PDE1A: variants seen among roughly 807,000 people sequenced by gnomAD.
The protein encoded by PDE1A is dual specificity calcium/calmodulin-dependent 3',5'-cyclic nucleotide phosphodiesterase 1A.
Under a neutral mutation model 61.7 loss-of-function variants are expected in PDE1A, and 35 were observed. The observed-to-expected ratio is 0.57, with a 90% CI of 0.43 to 0.75. The LOEUF (loss-of-function observed/expected upper bound fraction) is 0.75, where lower values mean the gene tolerates loss of function less well. Ranked by LOEUF, PDE1A falls within the 30% of genes least tolerant of loss-of-function variation. The probability of loss-of-function intolerance (pLI) is 0.00; values close to 1 mark genes in which losing one functional copy is unlikely to be tolerated. For synonymous variants in PDE1A, 232 were observed against 213.2 expected (o/e 1.09, Z -0.77); for missense variants, 597 against 630.6 (o/e 0.95, Z 0.57).
chr2:182,687,453 C>A, the PDE1A span, among the ~76,000 whole-genome samples: 1 of 152,218 alleles, frequency 6.6e-6, no homozygotes, highest in Non-Finnish European at 1.5e-5. Flanking sequence ...CAAACTCCAA[C>A]AGACCTGCAG....
chr2:182,455,946 T>G (rs2125740450), intron 2 of PDE1A, among the ~76,000 whole-genome samples: 1 of 151,972 alleles, frequency 6.6e-6, no homozygotes, highest in Middle Eastern at 3.4e-3. Context: ...ACAGAAGAAT[T>G]TGCTAACAAA....
At chr2:182,500,688 A>C (rs980358590) in intron 2 of PDE1A, among the ~76,000 whole-genome samples, 2 of 152,214 alleles carry the variant, frequency 1.3e-5, no homozygotes, top group African/African-American at 4.8e-5. Flanking sequence ...ACATATAATT[A>C]TCCCCAAATT....
intron 1 of PDE1A, among the ~76,000 whole-genome samples, chr2:182,316,245 A>T (rs979419237): frequency 6.6e-6 from 1 of 152,222 alleles, no homozygotes; most frequent in Non-Finnish European, 1.5e-5. Flanking sequence ...ATGTGGTCAA[A>T]CTTTGAAAGA....
rs562331026 is a variant in PDE1A at position 182,522,203 on chromosome 2, G to A, written c.101+73C>T. 9.3e-5 allele frequency: 119 copies of A among 1,279,274 alleles called. 2 individuals carry two copies. In the South Asian group the frequency reaches 1.0e-3, roughly 11 times the overall value. The allele number at this position is 1,279,274 out of a possible 1,614,324, so 79.2% of individuals were successfully genotyped here. ...TAAAGGAAACTAGCCCACAAAGGCGGATAGCACCAACAATTAGTCACGTTA... is the reference window on the plus strand; with the variant it reads ...TAAAGGAAACTAGCCCACAAAGGCGAATAGCACCAACAATTAGTCACGTTA... On this transcript the variant is annotated intron_variant, in intron 2 of 14. Transcript: ENST00000410103.
chr2:182,483,250 T>C (rs190770367), intron 2 of PDE1A, among the ~76,000 whole-genome samples: 2 of 152,018 alleles, frequency 1.3e-5, no homozygotes, highest in Admixed American at 1.3e-4. Context: ...TTTAATACTG[T>C]ATTCTCAATA....
intron 1 of PDE1A, among the ~76,000 whole-genome samples, chr2:182,410,085 C>G (rs1424243194): frequency 6.6e-6 from 1 of 152,128 alleles, no homozygotes; most frequent in Non-Finnish European, 1.5e-5. Flanking sequence ...GACATGGTGG[C>G]TTATGCTTGT....
At chr2:182,493,299 A>G (rs1161476845) in intron 2 of PDE1A, among the ~76,000 whole-genome samples, 1 of 147,064 alleles carries the variant, frequency 6.8e-6, no homozygotes, top group Non-Finnish European at 1.5e-5. Flanking sequence ...TTATATATAT[A>G]TACTTTAAGT....
intron 1 of PDE1A, among the ~76,000 whole-genome samples, chr2:182,362,382 C>T (rs967024121): frequency 6.6e-6 from 1 of 151,738 alleles, no homozygotes; most frequent in Non-Finnish European, 1.5e-5. Context: ...AAATAATGTA[C>T]GGTAGCCATC....
intron 7 of PDE1A, among the ~76,000 whole-genome samples, chr2:182,214,450 A>G (rs1052450274): frequency 5.3e-5 from 8 of 151,850 alleles, no homozygotes; most frequent in African/African-American, 1.2e-4. Flanking sequence ...AAATGCTCCA[A>G]TGAAAAGACA....
intron 1 of PDE1A, among the ~76,000 whole-genome samples, chr2:182,380,714 T>G (rs1700684886): frequency 6.6e-6 from 1 of 152,180 alleles, no homozygotes; most frequent in South Asian, 2.1e-4. Context: ...TTCTTCAACT[T>G]TAGGATAGTT....
intron 10 of PDE1A, among the ~76,000 whole-genome samples, chr2:182,197,079 G>A (rs1285613930): frequency 6.6e-6 from 1 of 151,444 alleles, no homozygotes; most frequent in Admixed American, 6.6e-5. Context: ...CTCATTTTTG[G>A]TAACACCTTA....
At chr2:182,638,548 A>G in the PDE1A span, among the ~76,000 whole-genome samples, 1 of 152,188 alleles carries the variant, frequency 6.6e-6, no homozygotes, top group African/African-American at 2.4e-5. Flanking sequence ...AAAAAATGAA[A>G]AAAACAATTT....
chr2:182,203,722 C>G (rs17457323), intron 8 of PDE1A, among the ~76,000 whole-genome samples: 39,502 of 151,788 alleles, frequency 0.26, 5,937 homozygotes, highest in Non-Finnish European at 0.33. Context: ...ATAAAATTTT[C>G]TTGTGAAAAC....
At chr2:182,527,518 A>G (rs1449517709), upstream of PDE1A, among the ~76,000 whole-genome samples, 1 of 150,430 alleles carries the variant, frequency 6.6e-6, no homozygotes. Flanking sequence ...TGTTCATGCC[A>G]CTGCACTCCA....
intron 7 of PDE1A, 23 bp downstream of exon 7, chr2:182,223,841 A>G: frequency 7.3e-7 from 1 of 1,365,300 alleles, no homozygotes; most frequent in Non-Finnish European, 1.0e-6. Context: ...AACTAATGAA[A>G]GTTAATACTT....
At chr2:182,176,088 C>A (rs1007207068) in intron 13 of PDE1A, among the ~76,000 whole-genome samples, 9 of 149,334 alleles carry the variant, frequency 6.0e-5, no homozygotes, top group Admixed American at 5.9e-4. Context: ...GTTACTGTAG[C>A]CTTGTAGTAT....
intron 1 of PDE1A, among the ~76,000 whole-genome samples, chr2:182,392,992 G>A (rs943530639): frequency 1.3e-5 from 2 of 152,248 alleles, no homozygotes; most frequent in African/African-American, 2.4e-5. Flanking sequence ...CCATTCTGGG[G>A]TCTGGAGAAC....
At chr2:182,285,329 C>T (rs1410829028) in intron 1 of PDE1A, among the ~76,000 whole-genome samples, 1 of 151,972 alleles carries the variant, frequency 6.6e-6, no homozygotes, top group Non-Finnish European at 1.5e-5. Flanking sequence ...GTTTTTCTTC[C>T]TCAATTTCCC....
At chr2:182,522,708 C>T (rs1352219884) in exon 1 of PDE1A, 4 of 1,043,964 alleles carry the variant, frequency 3.8e-6, no homozygotes, top group Non-Finnish European at 4.7e-6. Flanking sequence ...TCATCTGTTA[C>T]TGTTCTGTGC....
Sources: allele counts gnomAD v4.1 joint callset (sites outside exome capture counted in the v4.1 genomes callset), GRCh38; gene constraint gnomAD v4.1.1; transcripts MANE v1.5; gene names NCBI Gene and HGNC (gene_info 2026-07-23, HGNC 2026-07-21).